Variants in IGSF21 observed in about 807,000 individuals in gnomAD.
IGSF21 encodes the protein immunoglobulin superfamily member 21.
In IGSF21, 28 loss-of-function variants were observed where a neutral mutation model predicts 46.8. The observed-to-expected ratio is 0.60, with a 90% CI of 0.44 to 0.82. The LOEUF (loss-of-function observed/expected upper bound fraction) is 0.82. IGSF21 is among the 40% of genes least tolerant of loss of function. The pLI is 0.00. For synonymous variants in IGSF21, 284 were observed against 273.6 expected, an observed-to-expected ratio of 1.04 and a Z score of -0.38; for missense variants, 624 against 665.5, an observed-to-expected ratio of 0.94 and a Z score of 0.69.
At chr1:18,267,776 G>A (rs1392881330) in intron 2 of IGSF21, among the ~76,000 whole-genome samples, 7 of 152,208 alleles carry the variant, frequency 4.6e-5, no homozygotes, top group Non-Finnish European at 1.0e-4. Context: ...TCTAGAACAG[G>A]CCTCTAGGAG....
intron 4 of IGSF21, among the ~76,000 whole-genome samples, chr1:18,357,254 A>G (rs1244346094): frequency 2.1e-5 from 3 of 143,380 alleles, no homozygotes; most frequent in Non-Finnish European, 4.5e-5. Flanking sequence ...GGGGTTGGGG[A>G]TGGTGATAAA....
intron 1 of IGSF21, among the ~76,000 whole-genome samples, chr1:18,172,623 C>T (rs948371834): frequency 6.6e-6 from 1 of 152,192 alleles, no homozygotes; most frequent in Non-Finnish European, 1.5e-5. Context: ...ACAAATCCTC[C>T]AATCCTATCA....
chr1:18,264,796 C>G (rs1234098017), intron 2 of IGSF21, among the ~76,000 whole-genome samples: 2 of 152,238 alleles, frequency 1.3e-5, no homozygotes, highest in Non-Finnish European at 2.9e-5. Context: ...TCTGTCTCCT[C>G]TTATCAGTTG....
At chr1:18,120,231 G>A (rs1389950950) in intron 1 of IGSF21, among the ~76,000 whole-genome samples, 7 of 152,220 alleles carry the variant, frequency 4.6e-5, no homozygotes, top group Non-Finnish European at 1.5e-5. Flanking sequence ...CTATAGCTTG[G>A]AGGAGTAGAT....
intron 3 of IGSF21, among the ~76,000 whole-genome samples, chr1:18,319,479 T>C (rs2085577835): frequency 6.6e-6 from 1 of 151,946 alleles, no homozygotes; most frequent in Admixed American, 6.6e-5. Flanking sequence ...AGCTGCTGAA[T>C]TGTTTAACTT....
intron 2 of IGSF21, among the ~76,000 whole-genome samples, chr1:18,243,385 G>T (rs1311049444): frequency 2.0e-5 from 3 of 151,842 alleles, no homozygotes; most frequent in Non-Finnish European, 4.4e-5. Flanking sequence ...CCCACTCCCC[G>T]CATCTCTTCC....
chr1:18,137,585 A>C (rs1184411856), intron 1 of IGSF21, among the ~76,000 whole-genome samples: 1 of 152,108 alleles, frequency 6.6e-6, no homozygotes, highest in Non-Finnish European at 1.5e-5. Flanking sequence ...GGAAACTCCA[A>C]AGTCCCTCCT....
At chr1:18,204,785 G>C (rs80066285) in intron 1 of IGSF21, among the ~76,000 whole-genome samples, 1,781 of 152,262 alleles carry the variant, frequency 0.012, 28 homozygotes, top group African/African-American at 0.04. Flanking sequence ...TTCATGACCT[G>C]GTTTTAGCCC....
intron 2 of IGSF21, among the ~76,000 whole-genome samples, chr1:18,287,387 T>G (rs2085225221): frequency 6.6e-6 from 1 of 151,704 alleles, no homozygotes; most frequent in African/African-American, 2.4e-5. Context: ...AGAGCGAGAC[T>G]CTGTCTCAAA....
chr1:18,283,300 C>T lies in IGSF21; in HGVS notation c.184-8566C>T, dbSNP rs958578463. ...CCTTGAGCCCAGCCCTGCCAGAAAC[C>T]GGGGCCCACAAGGGAGAGCAGGGAC... On this transcript the variant is annotated intron_variant, in intron 2 of 9. Transcript: ENST00000251296. Among the ~76,000 whole-genome samples the T allele has an allele frequency of 3.3e-5, 5 of 152,346 alleles. No individual in the cohort carries two copies. In the East Asian group the frequency reaches 5.8e-4, roughly 18 times the overall value.
intron 1 of IGSF21, among the ~76,000 whole-genome samples, chr1:18,185,418 G>C (rs1466213056): frequency 1.3e-5 from 2 of 152,164 alleles, no homozygotes; most frequent in Non-Finnish European, 2.9e-5. Context: ...AGAAACACTG[G>C]AACAAAACAT....
intron 1 of IGSF21, chr1:18,115,893 GAAA>G (rs2086185197): frequency 1.0e-5 from 1 of 96,782 alleles, no homozygotes; most frequent in South Asian, 6.4e-4. Context: ...AAGAAAGAAA[GAAA>G]GAAAGAAGGA....
chr1:18,168,233 A>G (rs955341272), intron 1 of IGSF21, among the ~76,000 whole-genome samples: 3 of 152,138 alleles, frequency 2.0e-5, no homozygotes, highest in African/African-American at 4.8e-5. Flanking sequence ...GTTAACTTAT[A>G]TATAATAACC....
intron 1 of IGSF21, among the ~76,000 whole-genome samples, chr1:18,205,961 T>G (rs939867650): frequency 6.6e-6 from 1 of 152,220 alleles, no homozygotes. Flanking sequence ...CCTTATAAAA[T>G]GTCAACAATT....
chr1:18,341,224 C>T (rs1265440426), intron 4 of IGSF21, among the ~76,000 whole-genome samples: 2 of 151,590 alleles, frequency 1.3e-5, no homozygotes, highest in Non-Finnish European at 2.9e-5. Context: ...CTTGGCCTCC[C>T]AAAGTGCTAC....
At chr1:18,115,863 A>G in intron 1 of IGSF21, 1 of 114,322 alleles carries the variant, frequency 8.7e-6, no homozygotes, top group South Asian at 4.4e-4. Flanking sequence ...GAAAGAAAGA[A>G]AGAAAGAAAG....
intron 3 of IGSF21, among the ~76,000 whole-genome samples, chr1:18,331,075 G>A (rs899665371): frequency 6.6e-6 from 1 of 152,084 alleles, no homozygotes; most frequent in African/African-American, 2.4e-5. Flanking sequence ...AAGATTTACA[G>A]TTTTATTTCT....
chr1:18,342,765 C>A (rs1036674105), intron 4 of IGSF21, among the ~76,000 whole-genome samples: 1 of 152,192 alleles, frequency 6.6e-6, no homozygotes, highest in Non-Finnish European at 1.5e-5. Flanking sequence ...GGTACCAGTA[C>A]TTCATTCATT....
intron 1 of IGSF21, among the ~76,000 whole-genome samples, chr1:18,141,779 C>T (rs1403916326): frequency 6.6e-6 from 1 of 152,160 alleles, no homozygotes; most frequent in African/African-American, 2.4e-5. Flanking sequence ...ATTTAAAGCA[C>T]AGTTCATGGC....
Sources: gnomAD v4.1 joint callset for allele counts (sites outside exome capture counted in the v4.1 genomes callset) on GRCh38, gnomAD v4.1.1 for gene constraint, MANE v1.5 for transcripts, NCBI Gene and HGNC (gene_info 2026-07-23, HGNC 2026-07-21) for gene names.